MYO3A: variants seen among roughly 807,000 people sequenced by gnomAD.
MYO3A encodes the protein myosin IIIA, also known as myosin-IIIa.
Under a neutral mutation model 192.7 loss-of-function variants are expected in MYO3A, and 180 were observed. The observed-to-expected ratio is 0.93, with a 90% CI of 0.83 to 1.06. The LOEUF (loss-of-function observed/expected upper bound fraction) is 1.06. Ranked by LOEUF, MYO3A falls within the 50% of genes least tolerant of loss-of-function variation. MYO3A has a pLI of 0.00. For missense variants in MYO3A, 1,896 were observed against 1,905.0 expected (o/e 1.00, Z 0.09); for synonymous variants, 628 against 645.3 (o/e 0.97, Z 0.41).
intron 2 of MYO3A, among the ~76,000 whole-genome samples, chr10:25,942,215 C>T (rs529195845): frequency 2.0e-5 from 3 of 151,994 alleles, no homozygotes; most frequent in South Asian, 2.1e-4. Context: ...TTGGCCAGGC[C>T]GGTCTTGAAC....
At chr10:26,023,940 G>A in intron 8 of MYO3A, 82 bp from the exon 9 acceptor site, 1 of 1,205,174 alleles carries the variant, frequency 8.3e-7, no homozygotes, top group Non-Finnish European at 1.2e-6. Flanking sequence ...ACCTAGGATT[G>A]CATTAGTCTA....
intron 12 of MYO3A, 51 bp downstream of exon 12, chr10:26,068,935 C>T (rs1835024986): frequency 2.6e-6 from 3 of 1,174,944 alleles, no homozygotes; most frequent in South Asian, 2.5e-5. Flanking sequence ...ATTATACATT[C>T]AGATACTTAA....
intron 17 of MYO3A, among the ~76,000 whole-genome samples, chr10:26,119,728 T>C (rs912838448): frequency 7.9e-5 from 12 of 152,208 alleles, no homozygotes; most frequent in Admixed American, 7.2e-4. Context: ...ATAGACTCCT[T>C]GATAAATGCC....
chr10:26,061,308 G>A (rs1409551375), intron 10 of MYO3A, among the ~76,000 whole-genome samples: 3 of 152,166 alleles, frequency 2.0e-5, no homozygotes, highest in Non-Finnish European at 2.9e-5. Flanking sequence ...CTTTCTCAAG[G>A]TATAGCAGGA....
At chr10:26,027,336 T>C (rs1842600729) in intron 10 of MYO3A, among the ~76,000 whole-genome samples, 1 of 132,762 alleles carries the variant, frequency 7.5e-6, no homozygotes, top group Non-Finnish European at 1.7e-5. Flanking sequence ...ATCTTCTTCT[T>C]GTTGGATATA....
Position 26,143,506 on chromosome 10 carries a change from C to T in MYO3A, c.2321C>T (p.Pro774Leu), listed in dbSNP as rs527749615. The stretch of plus-strand genomic sequence containing the variant: ...GTTATTGAATATGAGGATAACTGGC[C>T]CCTCTTAGATATGTTTCTGCAAAAG... ...ARVIEYEDNW[P>L]LLDMFLQKPM... is the part of the protein sequence containing the mutation. The change falls in exon 21 of 35, where the codon CCC (proline) becomes CTC (leucine). Residue 774 changes from proline (P) to leucine (L), a missense_variant. Physicochemically the swap from Pro to Leu is moderately conservative, Grantham distance 98 (BLOSUM62 -3). Transcript: ENST00000642920. 3 of 1,613,202 alleles carry T rather than the reference C, an allele frequency of 1.9e-6. No homozygotes were observed. The highest frequency in any genetic ancestry group is 2.7e-5 in the African/African-American group (2 of 74,904).
chr10:26,007,486 T>A (rs1841304456), intron 6 of MYO3A, among the ~76,000 whole-genome samples: 1 of 151,432 alleles, frequency 6.6e-6, no homozygotes, highest in South Asian at 2.1e-4. Context: ...GAAAACCCCA[T>A]CGTCTCAGCT....
chr10:26,063,778 A>G (rs2131354990), intron 10 of MYO3A, among the ~76,000 whole-genome samples: 1 of 152,376 alleles, frequency 6.6e-6, no homozygotes, highest in Admixed American at 6.5e-5. Context: ...TGACAGGTGA[A>G]GAAAGCACAG....
At chr10:26,070,775 C>T (rs2131391008) in intron 14 of MYO3A, among the ~76,000 whole-genome samples, 1 of 151,916 alleles carries the variant, frequency 6.6e-6, no homozygotes, top group Non-Finnish European at 1.5e-5. Context: ...TAGTAATGGT[C>T]AATTGCAAAT....
chr10:26,187,638 C>T (rs1842929122), intron 31 of MYO3A, among the ~76,000 whole-genome samples: 1 of 102,894 alleles, frequency 9.7e-6, no homozygotes, highest in Non-Finnish European at 1.8e-5. Flanking sequence ...CTATCCCTCC[C>T]CCCTCCCCCC....
At chr10:26,005,959 A>G (rs1164455057) in intron 6 of MYO3A, among the ~76,000 whole-genome samples, 3 of 152,132 alleles carry the variant, frequency 2.0e-5, no homozygotes. Flanking sequence ...TGAACCATGA[A>G]TAAGTGGACT....
chr10:26,087,969 T>C (rs1302146276), intron 14 of MYO3A, among the ~76,000 whole-genome samples: 1 of 152,212 alleles, frequency 6.6e-6, no homozygotes, highest in Non-Finnish European at 1.5e-5. Flanking sequence ...TGAACAGAAC[T>C]GCGCTTGAAT....
At chr10:26,211,269 T>C (rs1048474624) in intron 34 of MYO3A, among the ~76,000 whole-genome samples, 3 of 152,190 alleles carry the variant, frequency 2.0e-5, no homozygotes, top group Non-Finnish European at 2.9e-5. Flanking sequence ...AAGGTAAACA[T>C]TGGCAGGGGT....
At chr10:25,990,154 C>A (rs1384188255) in intron 4 of MYO3A, among the ~76,000 whole-genome samples, 1 of 152,042 alleles carries the variant, frequency 6.6e-6, no homozygotes, top group Non-Finnish European at 1.5e-5. Flanking sequence ...TGGAAAACTC[C>A]CCTACCATGT....
At chr10:26,191,367 T>C (rs1312558795) in intron 31 of MYO3A, among the ~76,000 whole-genome samples, 4 of 152,138 alleles carry the variant, frequency 2.6e-5, no homozygotes, top group Non-Finnish European at 5.9e-5. Context: ...GCTCAGATAT[T>C]TGGACTCCCT....
chr10:26,164,667 T>C (rs924841253), intron 26 of MYO3A, among the ~76,000 whole-genome samples: 1 of 152,144 alleles, frequency 6.6e-6, no homozygotes, highest in Non-Finnish European at 1.5e-5. Context: ...GGGAGCCGAC[T>C]GTGAAGATTT....
At chr10:26,118,282 A>G (rs902373336) in intron 17 of MYO3A, among the ~76,000 whole-genome samples, 2 of 152,206 alleles carry the variant, frequency 1.3e-5, no homozygotes, top group Non-Finnish European at 2.9e-5. Context: ...ATGAAAGCCC[A>G]TGCTGGTTCC....
intron 18 of MYO3A, among the ~76,000 whole-genome samples, chr10:26,124,282 A>G (rs1839065296): frequency 6.6e-6 from 1 of 152,168 alleles, no homozygotes; most frequent in African/African-American, 2.4e-5. Context: ...AGTACAAAAT[A>G]TAAACACAGA....
intron 6 of MYO3A, among the ~76,000 whole-genome samples, chr10:26,005,898 C>T (rs140055792): frequency 6.6e-6 from 1 of 151,968 alleles, no homozygotes; most frequent in East Asian, 1.9e-4. Context: ...TTTGAGGAGG[C>T]GACTTTTACC....
Sources: allele counts gnomAD v4.1 joint callset (sites outside exome capture counted in the v4.1 genomes callset), GRCh38; gene constraint gnomAD v4.1.1; transcripts MANE v1.5; gene names NCBI Gene and HGNC (gene_info 2026-07-23, HGNC 2026-07-21).